FSTL4: variants seen among roughly 807,000 people sequenced by gnomAD.
FSTL4 encodes the protein follistatin-related protein 4.
In FSTL4, 28 loss-of-function variants were observed where a neutral mutation model predicts 78.2. The observed-to-expected ratio is 0.36, with a 90% CI of 0.27 to 0.49. The LOEUF is 0.49. FSTL4 is among the 20% of genes least tolerant of loss of function. The pLI is 0.98. For missense variants in FSTL4, 922 were observed against 1,084.9 expected (o/e 0.85, Z 2.11); for synonymous variants, 422 against 440.5 (o/e 0.96, Z 0.53).
chr5:133,503,639 T>C (rs1301008406), intron 3 of FSTL4, among the ~76,000 whole-genome samples: 1 of 152,220 alleles, frequency 6.6e-6, no homozygotes, highest in Admixed American at 6.5e-5. Context: ...CCAGACAATT[T>C]TAGCCACTTA....
chr5:133,648,317 T>A, the FSTL4 span, among the ~76,000 whole-genome samples: 1 of 152,310 alleles, frequency 6.6e-6, no homozygotes, highest in African/African-American at 2.4e-5. Flanking sequence ...ATGTTCCAAA[T>A]CAGTTTAGTA....
At position 133,236,336 on chromosome 5, in the gene FSTL4, C is replaced by T. The variant is rs1751660066; in HGVS notation, c.895-2799G>A. Among the ~76,000 whole-genome samples the T allele has an allele frequency of 6.6e-6, 1 of 152,140 alleles. No homozygotes were observed. Among genetic ancestry groups the T allele is most frequent in the Admixed American group, 6.5e-5 (1 of 15,290 alleles). On this transcript the variant is annotated intron_variant, in intron 7 of 15. Transcript: ENST00000265342. The surrounding 1 kb of genome is among the most constrained non-coding windows in gnomAD (Gnocchi z 5.0). Reference sequence around the variant, plus strand: ...CCCAGATATCAACCTCAGGTTGATACCCATTAATACCAACATACGGTCTTC... The same window carrying T: ...CCCAGATATCAACCTCAGGTTGATATCCATTAATACCAACATACGGTCTTC...
chr5:133,757,474 T>C, the FSTL4 span, among the ~76,000 whole-genome samples: 1 of 152,244 alleles, frequency 6.6e-6, no homozygotes, highest in Admixed American at 6.5e-5. Flanking sequence ...TGCTTTAGAA[T>C]GTGGGATACT....
chr5:133,319,958 G>A (rs1754007221), intron 4 of FSTL4, among the ~76,000 whole-genome samples: 1 of 152,216 alleles, frequency 6.6e-6, no homozygotes, highest in Admixed American at 6.5e-5. Context: ...AAGGCAGCCT[G>A]ATGCTCAGAG....
the FSTL4 span, among the ~76,000 whole-genome samples, chr5:133,685,680 C>A: frequency 6.6e-6 from 1 of 152,240 alleles, no homozygotes; most frequent in East Asian, 1.9e-4. Flanking sequence ...GCACCCACAA[C>A]ATGATAGTCC....
chr5:133,331,121 C>T (rs1754335495), intron 4 of FSTL4, among the ~76,000 whole-genome samples: 1 of 152,180 alleles, frequency 6.6e-6, no homozygotes, highest in Non-Finnish European at 1.5e-5. Context: ...GCAAGCCCCG[C>T]TGAGAGGGAA....
the FSTL4 span, among the ~76,000 whole-genome samples, chr5:133,660,974 T>G: frequency 7.2e-6 from 1 of 139,828 alleles, no homozygotes; most frequent in Admixed American, 7.2e-5. Flanking sequence ...GCCAACTGTG[T>G]TCAAAACTTT....
intron 3 of FSTL4, among the ~76,000 whole-genome samples, chr5:133,462,737 G>A (rs1307203845): frequency 1.3e-5 from 2 of 152,210 alleles, no homozygotes; most frequent in Non-Finnish European, 2.9e-5. Flanking sequence ...GCTGGCCCAC[G>A]AAGGATGATA....
At chr5:133,283,385 G>C (rs1382340012) in intron 6 of FSTL4, among the ~76,000 whole-genome samples, 1 of 152,162 alleles carries the variant, frequency 6.6e-6, no homozygotes, top group Non-Finnish European at 1.5e-5. Context: ...GCCCTGTCTT[G>C]GAAAGATGTG....
At chr5:133,479,878 C>CT (rs1757994031) in intron 3 of FSTL4, among the ~76,000 whole-genome samples, 1 of 151,948 alleles carries the variant, frequency 6.6e-6, no homozygotes, top group Non-Finnish European at 1.5e-5. Flanking sequence ...AAATGAAATA[C>CT]TATGTTAATG....
chr5:133,619,580 G>A, the FSTL4 span, among the ~76,000 whole-genome samples: 1 of 152,174 alleles, frequency 6.6e-6, no homozygotes, highest in African/African-American at 2.4e-5. Flanking sequence ...AGAACCCCAA[G>A]CTGGTCAGCA....
the FSTL4 span, among the ~76,000 whole-genome samples, chr5:133,742,386 CAG>C: frequency 6.6e-6 from 1 of 152,036 alleles, no homozygotes; most frequent in Non-Finnish European, 1.5e-5. Flanking sequence ...AAGATGTATA[CAG>C]AGAGAGAAAA....
chr5:133,605,876 C>T (rs1225836857), intron 1 of FSTL4, among the ~76,000 whole-genome samples: 1 of 152,158 alleles, frequency 6.6e-6, no homozygotes. Flanking sequence ...GTCTCACCAT[C>T]AGCACCTGCC....
the FSTL4 span, among the ~76,000 whole-genome samples, chr5:133,655,168 C>A: frequency 6.6e-6 from 1 of 152,168 alleles, no homozygotes; most frequent in African/African-American, 2.4e-5. Flanking sequence ...AGGCTCTAGA[C>A]CTCAGGTTCT....
At chr5:133,321,065 G>T (rs1280763315) in intron 4 of FSTL4, among the ~76,000 whole-genome samples, 1 of 150,296 alleles carries the variant, frequency 6.7e-6, no homozygotes, top group Non-Finnish European at 1.5e-5. Flanking sequence ...CAACACCCAA[G>T]GTTCATGTCT....
rs1239445476 is a variant in FSTL4, at chr5:133,607,130, T to C, written c.-10-3137A>G. On this transcript the variant is annotated intron_variant, in intron 1 of 15. Transcript: ENST00000265342. ...GAAATACTCCTGGGCAGCTTGTTTG[T>C]AAAGTTTAGCTCAGTCTGTCTACCA... Among the ~76,000 whole-genome samples the C allele has an allele frequency of 2.0e-5, 3 of 152,354 alleles. No homozygotes were observed. In the East Asian group the frequency reaches 5.8e-4, roughly 29 times the overall value.
chr5:133,606,793 G>T (rs1760986894), intron 1 of FSTL4, among the ~76,000 whole-genome samples: 2 of 152,116 alleles, frequency 1.3e-5, no homozygotes, highest in South Asian at 4.1e-4. Flanking sequence ...CACAAAATCT[G>T]GTATTTAACT....
At chr5:133,557,773 C>T (rs1759820187) in intron 3 of FSTL4, among the ~76,000 whole-genome samples, 1 of 152,168 alleles carries the variant, frequency 6.6e-6, no homozygotes, top group Non-Finnish European at 1.5e-5. Context: ...GCCCAGCACT[C>T]CTCACCTTCC....
At chr5:133,604,048 A>C (rs1246668946) in intron 1 of FSTL4, 55 bp from the exon 2 acceptor site, 4 of 1,265,126 alleles carry the variant, frequency 3.2e-6, no homozygotes, top group Non-Finnish European at 4.6e-6. Context: ...GGATATAATA[A>C]GTCACAGTGA....
Sources: gnomAD v4.1 joint callset for allele counts (sites outside exome capture counted in the v4.1 genomes callset) on GRCh38, gnomAD v4.1.1 for gene constraint, Gnocchi (gnomAD v3.1) non-coding constraint, MANE v1.5 for transcripts, NCBI Gene and HGNC (gene_info 2026-07-23, HGNC 2026-07-21) for gene names.